Variants in SPPL2B observed in about 807,000 individuals in gnomAD.
SPPL2B encodes signal peptide peptidase-like 2B.
SPPL2B carries 39 observed loss-of-function variants against 59.7 expected under a neutral mutation model. That is an observed-to-expected ratio of 0.65 (90% CI 0.51 to 0.85). The LOEUF is 0.85. SPPL2B is among the 40% of genes least tolerant of loss of function. The pLI is 0.00. For synonymous variants in SPPL2B, 419 were observed against 370.8 expected (o/e 1.13, Z -1.49); for missense variants, 865 against 849.0 (o/e 1.02, Z -0.23).
At position 2,344,665 on chromosome 19, in the gene SPPL2B, G is replaced by T. The variant is rs780985452; in HGVS notation, c.1276+13G>T. The stretch of plus-strand genomic sequence containing the variant: ...ATTTTGGTGCCAGGTACTGAGGCGG[G>T]TGGAGCACACGGGTCCACGCTGTGG... On this transcript the variant is annotated intron_variant, in intron 12 of 14. Coordinates refer to ENST00000613503, the MANE Select transcript of SPPL2B (RefSeq NM_152988.3). The T allele has an allele frequency of 2.5e-6, 4 of 1,569,894 alleles. No homozygotes were observed. Among genetic ancestry groups the T allele is most frequent in the African/African-American group, 1.4e-5 (1 of 73,816 alleles).
intron 5 of SPPL2B, 57 bp from the exon 6 acceptor site, chr19:2,339,767 G>T (rs765395567): frequency 1.9e-6 from 3 of 1,570,710 alleles, no homozygotes; most frequent in Non-Finnish European, 1.7e-6. Flanking sequence ...GTGGGCTCCC[G>T]AGCCCCGTGT....
intron 14 of SPPL2B, among the ~76,000 whole-genome samples, chr19:2,352,622 G>C (rs1427988125): frequency 6.6e-6 from 1 of 152,156 alleles, no homozygotes; most frequent in East Asian, 1.9e-4. Flanking sequence ...ATTCTGATGG[G>C]CATTTCAGAA....
intron 3 of SPPL2B, chr19:2,337,915 C>A: frequency 2.7e-6 from 1 of 375,230 alleles, no homozygotes. Context: ...GTGACGGAGA[C>A]CACACTCTCT....
chr19:2,343,390 G>T, intron 9 of SPPL2B, 98 bp downstream of exon 9: 1 of 1,031,738 alleles, frequency 9.7e-7, no homozygotes. Context: ...GCAGGTCTGT[G>T]CTCCTGCTCA....
At chr19:2,337,906 T>G in intron 3 of SPPL2B, 1 of 389,616 alleles carries the variant, frequency 2.6e-6, no homozygotes, top group Non-Finnish European at 4.7e-6. Context: ...CCCCCAGGGG[T>G]GACGGAGACC....
At chr19:2,345,220 C>G in intron 12 of SPPL2B, 33 bp from the exon 13 acceptor site, 4 of 1,599,684 alleles carry the variant, frequency 2.5e-6, no homozygotes, top group Non-Finnish European at 3.4e-6. Flanking sequence ...GCTCTGCGGG[C>G]CCGAGTAAGC....
intron 13 of SPPL2B, among the ~76,000 whole-genome samples, chr19:2,346,239 G>T (rs969378370): frequency 2.6e-5 from 4 of 152,244 alleles, no homozygotes; most frequent in African/African-American, 9.6e-5. Context: ...CCCTCCACGT[G>T]GCTCCCTAAA....
At position 2,338,797 on chromosome 19, in the gene SPPL2B, C is replaced by T. The variant is rs1968812820; in HGVS notation, c.415C>T (p.Pro139Ser). 1.2e-6 allele frequency: 2 copies of T among 1,613,508 alleles called. No individual in the cohort carries two copies. The highest frequency in any genetic ancestry group is 2.7e-5 in the African/African-American group (2 of 74,900). The change falls in exon 4 of 15, where the codon CCC becomes TCC. Residue 139 changes from proline (P) to serine (S), a missense_variant. Coordinates refer to ENST00000613503, the MANE Select transcript of SPPL2B (RefSeq NM_152988.3). Reference protein sequence around the residue: ...NKTQYDEIGIPVALLSYKDML... With the variant: ...NKTQYDEIGISVALLSYKDML... ...GACGCAGTATGATGAGATTGGCATT[C>T]CCGTGGCCCTGCTCAGCTACAAAGA...
chr19:2,343,478 G>A (rs1252217082), intron 9 of SPPL2B, among the ~76,000 whole-genome samples, 186 bp downstream of exon 9: 3 of 152,196 alleles, frequency 2.0e-5, no homozygotes, highest in African/African-American at 4.8e-5. Context: ...CCGCTGAGGC[G>A]GCCTGGGTGG....
intron 12 of SPPL2B, 24 bp downstream of exon 12, chr19:2,344,676 G>A (rs777989644): frequency 8.1e-6 from 12 of 1,480,278 alleles, no homozygotes; most frequent in African/African-American, 5.6e-5. Flanking sequence ...TGGAGCACAC[G>A]GGTCCACGCT....
At chr19:2,336,368 CGT>C (rs1420219098) in intron 2 of SPPL2B, among the ~76,000 whole-genome samples, 1 of 151,476 alleles carries the variant, frequency 6.6e-6, no homozygotes, top group African/African-American at 2.4e-5. Context: ...CACATGTGTG[CGT>C]GTGTACATGT....
chr19:2,333,420 G>A (rs1968395481), intron 1 of SPPL2B, among the ~76,000 whole-genome samples: 1 of 152,324 alleles, frequency 6.6e-6, no homozygotes, highest in Admixed American at 6.5e-5. Context: ...TGCAGTGTCC[G>A]CCGTGGTCCC....
At chr19:2,352,188 C>T (rs1969964920) in intron 14 of SPPL2B, among the ~76,000 whole-genome samples, 1 of 152,176 alleles carries the variant, frequency 6.6e-6, no homozygotes, top group Admixed American at 6.5e-5. Flanking sequence ...GGTGGGACCC[C>T]CCCTTCCAGT....
rs17852546 is a variant in SPPL2B at position 2,344,036 on chromosome 19, C to A, written c.1110C>A (p.Thr370=). 0.11 allele frequency: 173,101 copies of A among 1,545,114 alleles called. 10,862 individuals carry two copies. The highest frequency in any genetic ancestry group is 0.13 in the Non-Finnish European group (145,538 of 1,144,738). The change falls in exon 10 of 15, where the codon ACC becomes ACA. Residue 370 remains threonine, a synonymous_variant. Transcript: ENST00000613503. ...IFFVFITPFL[T]KSGSSIMVEV... ...TCGTGTTCATCACGCCCTTCCTGACCAAGGTAGGCGACTGCCTGTCCCTGC... is the reference window on the plus strand; with the variant it reads ...TCGTGTTCATCACGCCCTTCCTGACAAAGGTAGGCGACTGCCTGTCCCTGC...
intron 13 of SPPL2B, among the ~76,000 whole-genome samples, chr19:2,349,094 T>C (rs1437831885): frequency 3.9e-5 from 5 of 127,066 alleles, no homozygotes; most frequent in Non-Finnish European, 8.1e-5. Context: ...ACACTCGCGT[T>C]CTCATTCGCT....
chr19:2,333,434 G>A (rs1351543534), intron 1 of SPPL2B, among the ~76,000 whole-genome samples: 2 of 152,188 alleles, frequency 1.3e-5, no homozygotes, highest in African/African-American at 2.4e-5. Context: ...TGGTCCCTGC[G>A]GTGGGAGGCG....
rs778172619 is a variant in SPPL2B, at chr19:2,343,184, C to T, written c.957-27C>T. On this transcript the variant is annotated intron_variant, in intron 8 of 14. Transcript: ENST00000613503. ...CTGGGTGGTCAGCCAGCCTCTGCCC[C>T]GGCGAGGATGCTGCTTTGTCTTGCA... 3.8e-5 allele frequency: 59 copies of T among 1,545,236 alleles called. No homozygotes were observed. The East Asian group carries it at 4.6e-4, about 12-fold the overall frequency.
chr19:2,333,241 G>A (rs1262791158), intron 1 of SPPL2B, among the ~76,000 whole-genome samples: 1 of 146,402 alleles, frequency 6.8e-6, no homozygotes, highest in Non-Finnish European at 1.5e-5. Flanking sequence ...TGGCAGGTGC[G>A]GGCAGCTGGA....
chr19:2,350,375 C>T (rs1220305798), intron 13 of SPPL2B, among the ~76,000 whole-genome samples: 2 of 147,738 alleles, frequency 1.4e-5, no homozygotes, highest in East Asian at 2.0e-4. Context: ...TTCTCTCTCT[C>T]CACACACACT....
Sources: gnomAD v4.1 joint callset for allele counts (sites outside exome capture counted in the v4.1 genomes callset) on GRCh38, gnomAD v4.1.1 for gene constraint, MANE v1.5 for transcripts, NCBI Gene and HGNC (gene_info 2026-07-23, HGNC 2026-07-21) for gene names.